Variants in MAGI3 observed in about 807,000 individuals in gnomAD.
MAGI3 encodes the protein membrane associated guanylate kinase, WW and PDZ domain containing 3.
Under a neutral mutation model 121.8 loss-of-function variants are expected in MAGI3, and 43 were observed. The observed-to-expected ratio is 0.35, with a 90% CI of 0.28 to 0.46. The LOEUF is 0.46. Among genes scored for constraint, MAGI3 ranks in the 20% least tolerant of loss-of-function variants. The pLI, the probability that MAGI3 is intolerant of heterozygous loss-of-function variation, is 1.00. For synonymous variants in MAGI3, 553 were observed against 639.3 expected, an observed-to-expected ratio of 0.86 and a Z score of 2.04; for missense variants, 1,547 against 1,797.3, an observed-to-expected ratio of 0.86 and a Z score of 2.52.
At chr1:113,676,191 T>C (rs1305712881) in intron 19 of MAGI3, among the ~76,000 whole-genome samples, 4 of 152,188 alleles carry the variant, frequency 2.6e-5, no homozygotes, top group African/African-American at 4.8e-5. Flanking sequence ...TTTTAAATGT[T>C]GGTTCCAAAT....
At chr1:113,517,084 G>A (rs1164639763) in intron 1 of MAGI3, among the ~76,000 whole-genome samples, 1 of 151,824 alleles carries the variant, frequency 6.6e-6, no homozygotes, top group Non-Finnish European at 1.5e-5. Flanking sequence ...ACAAGTAAAT[G>A]TAATGTGGTA....
intron 2 of MAGI3, among the ~76,000 whole-genome samples, chr1:113,550,959 GAA>G (rs757531195): frequency 1.2e-5 from 1 of 82,796 alleles, no homozygotes. Context: ...TCCCCAACAA[GAA>G]AAAAAAAAAA....
intron 9 of MAGI3, among the ~76,000 whole-genome samples, chr1:113,629,884 C>T (rs894117318): frequency 4.0e-5 from 6 of 150,636 alleles, no homozygotes; most frequent in African/African-American, 9.8e-5. Context: ...ACTGGGACTG[C>T]GCTGGGTGAG....
At chr1:113,659,457 C>G (rs1653666992) in intron 16 of MAGI3, among the ~76,000 whole-genome samples, 192 bp downstream of exon 16, 1 of 152,116 alleles carries the variant, frequency 6.6e-6, no homozygotes, top group South Asian at 2.1e-4. Flanking sequence ...GTCAGCAGCT[C>G]AAGAAAAATA....
chr1:113,484,640 T>C (rs1186710302), intron 1 of MAGI3, among the ~76,000 whole-genome samples: 3 of 82,222 alleles, frequency 3.6e-5, no homozygotes, highest in South Asian at 6.3e-4. Flanking sequence ...CTTTCTCCCT[T>C]CCCTTCCCTC....
chr1:113,614,567 A>G, intron 6 of MAGI3, 34 bp from the exon 7 acceptor site: 4 of 1,505,880 alleles, frequency 2.7e-6, no homozygotes, highest in Non-Finnish European at 3.7e-6. Context: ...TCAGTTTTGA[A>G]TCTGGCATTT....
At chr1:113,659,985 G>T (rs1653694108) in intron 16 of MAGI3, among the ~76,000 whole-genome samples, 1 of 152,132 alleles carries the variant, frequency 6.6e-6, no homozygotes, top group African/African-American at 2.4e-5. Context: ...GTCAGTCTTT[G>T]ATGTTAAAAT....
chr1:113,562,222 G>A (rs1315924365), intron 2 of MAGI3, among the ~76,000 whole-genome samples: 2 of 152,106 alleles, frequency 1.3e-5, no homozygotes, highest in Admixed American at 6.5e-5. Flanking sequence ...TGGCTAACAC[G>A]GTGAAACCCC....
rs550236226 is a variant in MAGI3, at chr1:113,631,760, G to A, written c.1360+8766G>A. ...CCTTAATCTTACTGGTTATTAAATT[G>A]AACTCCTATGTTAAGAATTGTAGAC... On this transcript the variant is annotated intron_variant, in intron 9 of 20. Transcript: ENST00000307546. Among the ~76,000 whole-genome samples, 16 of 152,130 alleles carry A rather than the reference G, an allele frequency of 1.1e-4. No homozygotes were observed. In the South Asian group the frequency reaches 2.7e-3, roughly 26 times the overall value.
intron 1 of MAGI3, among the ~76,000 whole-genome samples, chr1:113,535,023 A>G (rs1270150305): frequency 6.6e-6 from 1 of 152,154 alleles, no homozygotes; most frequent in Non-Finnish European, 1.5e-5. Context: ...TCATTTCAGT[A>G]ACCAAATTAC....
intron 9 of MAGI3, among the ~76,000 whole-genome samples, chr1:113,629,757 T>TCTCCCTTCC (rs1416449345): frequency 1.0e-5 from 1 of 95,694 alleles, no homozygotes; most frequent in Non-Finnish European, 2.0e-5. Flanking sequence ...TCTCTCTCTC[T>TCTCCCTTCC]CTCTCCCTCC....
rs201128535 is a variant in MAGI3 at position 113,642,286 on chromosome 1, T to C, written c.1736T>C (p.Ile579Thr). ...AGCTCCCAGCCTGAACTAGTGACTA[T>C]CCCTTTGATTAAGGGCCCTAAAGGG... ...SGSSQPELVT[I>T]PLIKGPKGFG... The change falls in exon 10 of 21, where the codon ATC (isoleucine) becomes ACC (threonine). Residue 579 changes from isoleucine (I) to threonine (T), a missense_variant. Coordinates refer to ENST00000307546, the MANE Select transcript of MAGI3 (RefSeq NM_001142782.2). The C allele has an allele frequency of 3.1e-6, 5 of 1,614,178 alleles. No individual in the cohort carries two copies. Among genetic ancestry groups the C allele is most frequent in the Non-Finnish European group, 4.2e-6 (5 of 1,180,044 alleles).
intron 2 of MAGI3, among the ~76,000 whole-genome samples, chr1:113,560,104 A>T (rs1272236324): frequency 6.6e-6 from 1 of 151,730 alleles, no homozygotes; most frequent in East Asian, 1.9e-4. Flanking sequence ...CACTTAGTCT[A>T]AAACTGATCA....
intron 12 of MAGI3, among the ~76,000 whole-genome samples, 185 bp from the exon 13 acceptor site, chr1:113,649,052 A>T (rs1653008134): frequency 6.6e-6 from 1 of 152,226 alleles, no homozygotes; most frequent in Non-Finnish European, 1.5e-5. Context: ...TTTAGAGCTC[A>T]AAACGAGGAT....
intron 1 of MAGI3, among the ~76,000 whole-genome samples, chr1:113,401,516 C>G (rs186543318): frequency 1.3e-5 from 2 of 151,800 alleles, no homozygotes. Context: ...ATTTTTATTG[C>G]GGAAAATATT....
At position 113,622,803 on chromosome 1, in the gene MAGI3, C is replaced by T; in HGVS notation, c.1172-3C>T. ...CTCAAACCCACTTCTCATTTTGGCACAGATATGGAAAAATCACACTTCACA... is the reference window on the plus strand; with the variant it reads ...CTCAAACCCACTTCTCATTTTGGCATAGATATGGAAAAATCACACTTCACA... On this transcript the variant is annotated splice_polypyrimidine_tract_variant and splice_region_variant and intron_variant, in intron 8 of 20. Transcript: ENST00000307546. 1.3e-6 allele frequency: 2 copies of T among 1,562,002 alleles called. No individual in the cohort carries two copies. Among genetic ancestry groups the T allele is most frequent in the Non-Finnish European group, 1.7e-6 (2 of 1,163,110 alleles).
intron 1 of MAGI3, among the ~76,000 whole-genome samples, chr1:113,534,108 T>G (rs1658856001): frequency 6.6e-6 from 1 of 152,188 alleles, no homozygotes; most frequent in African/African-American, 2.4e-5. Context: ...TGACTCTGCC[T>G]CCTATTTCAC....
At chr1:113,652,294 G>A (rs1444017073) in intron 14 of MAGI3, among the ~76,000 whole-genome samples, 1 of 152,210 alleles carries the variant, frequency 6.6e-6, no homozygotes, top group Non-Finnish European at 1.5e-5. Context: ...TTTTATTTGT[G>A]TAGTTATCTG....
chr1:113,629,179 T>G (rs1340075317), intron 9 of MAGI3, among the ~76,000 whole-genome samples: 1 of 152,184 alleles, frequency 6.6e-6, no homozygotes, highest in Non-Finnish European at 1.5e-5. Flanking sequence ...TAATTATTTC[T>G]TCTACTTGAT....
Sources: allele counts gnomAD v4.1 joint callset (sites outside exome capture counted in the v4.1 genomes callset), GRCh38; gene constraint gnomAD v4.1.1; transcripts MANE v1.5; gene names NCBI Gene and HGNC (gene_info 2026-07-23, HGNC 2026-07-21).